MSS51: variants seen among roughly 807,000 people sequenced by gnomAD.
MSS51 encodes putative protein MSS51 homolog, mitochondrial.
In MSS51, 32 loss-of-function variants were observed where a neutral mutation model predicts 40.2. The ratio of observed to expected loss-of-function variants is 0.80; its 90% confidence interval spans 0.60 to 1.07. The LOEUF is 1.07. Among genes scored for constraint, MSS51 ranks in the 50% least tolerant of loss-of-function variants. The pLI is 0.00. For missense variants in MSS51, 518 were observed against 568.9 expected, an observed-to-expected ratio of 0.91 and a Z score of 0.91; for synonymous variants, 178 against 214.2, an observed-to-expected ratio of 0.83 and a Z score of 1.48.
chr10:73,432,125 A>G (rs1036464684), intron 1 of MSS51, among the ~76,000 whole-genome samples: 5 of 151,838 alleles, frequency 3.3e-5, no homozygotes, highest in Non-Finnish European at 7.4e-5. Flanking sequence ...TGCAACCTCC[A>G]CCTCCCGGGT....
At position 73,425,960 on chromosome 10, in the gene MSS51, G is replaced by A; in HGVS notation, c.920C>T (p.Thr307Ile). 1.2e-6 allele frequency: 2 copies of A among 1,614,070 alleles called. No homozygotes were observed. The highest frequency in any genetic ancestry group is 1.7e-6 in the Non-Finnish European group (2 of 1,180,004). Residue 307 changes from threonine (T) to isoleucine (I), a missense_variant, in exon 5 of 7, where the codon ACT becomes ATT. Coordinates refer to ENST00000299432, the MANE Select transcript of MSS51 (RefSeq NM_001024593.2). The stretch of plus-strand genomic sequence containing the variant: ...AGTTGAGGTGCTCTGTGAAAAGCCA[G>A]TAGCTACATCTACACCCACCATGAC... ...RVVMVGVDVA[T>I]GFSQSTSTSP...
chr10:73,427,889 T>A, intron 2 of MSS51, 121 bp from the exon 3 acceptor site: 2 of 1,275,808 alleles, frequency 1.6e-6, no homozygotes. Context: ...ACTGCCATCA[T>A]TTTTCACTTA....
At chr10:73,431,297 CG>C (rs1230387766) in intron 1 of MSS51, among the ~76,000 whole-genome samples, 1 of 151,684 alleles carries the variant, frequency 6.6e-6, no homozygotes, top group Non-Finnish European at 1.5e-5. Flanking sequence ...ATTTTCACTT[CG>C]ATTAAAAAAG....
rs369861643 is a variant in MSS51, at chr10:73,424,745, C to A, written c.1191G>T (p.Gln397His). Residue 397 changes from glutamine to histidine, a missense_variant, in exon 7 of 7, where the codon CAG (glutamine) becomes CAT (histidine). Transcript: ENST00000299432. ...YSHQELVSSL[Q>H]ILVELDTHIT... ...TGTGTGTATCCAGTTCCACCAGAAT[C>A]TGCAAAGAGGATACCAACTCCTGAT... The A allele has an allele frequency of 6.2e-7, 1 of 1,614,044 alleles. No individual in the cohort carries two copies. Among genetic ancestry groups the A allele is most frequent in the African/African-American group, 1.3e-5 (1 of 75,030 alleles).
intron 1 of MSS51, among the ~76,000 whole-genome samples, chr10:73,432,891 T>A (rs2056038842): frequency 6.6e-6 from 1 of 152,124 alleles, no homozygotes; most frequent in Non-Finnish European, 1.5e-5. Flanking sequence ...GGTTATAAAC[T>A]GAGAGAAACA....
intron 5 of MSS51, among the ~76,000 whole-genome samples, chr10:73,425,399 G>T (rs549530400): frequency 6.6e-6 from 1 of 152,280 alleles, no homozygotes; most frequent in African/African-American, 2.4e-5. Flanking sequence ...ATCAGGCTGG[G>T]CGCGGTGGCT....
chr10:73,426,384 G>GA lies in MSS51; in HGVS notation c.503-8dup, dbSNP rs2055988621. On this transcript the variant is annotated splice_polypyrimidine_tract_variant and splice_region_variant and intron_variant, in intron 4 of 6. Coordinates refer to ENST00000299432, the MANE Select transcript of MSS51 (RefSeq NM_001024593.2). ...GAGGGTAGAACAAAATCACCTGTAG[G>GA]AAAGAAGAAATAAGAAGTAACCTAA... The GA allele has an allele frequency of 6.3e-7, 1 of 1,599,562 alleles. No homozygotes were observed. The highest frequency in any genetic ancestry group is 1.1e-5 in the South Asian group (1 of 91,002).
chr10:73,427,272 CTTTTTTTTTTTT>C (rs1163470061), intron 3 of MSS51, among the ~76,000 whole-genome samples: 4 of 86,088 alleles, frequency 4.6e-5, no homozygotes, highest in African/African-American at 4.9e-5. Context: ...AAGGTCATTG[CTTTTTTTTTTTT>C]TTTTTTTTTT....
In MSS51 at chr10:73,426,715, A is replaced by G. The variant is rs757206986; in HGVS notation, c.394T>C (p.Tyr132His). 1 of 1,614,136 alleles carries G rather than the reference A, an allele frequency of 6.2e-7. No homozygotes were observed. Among genetic ancestry groups the G allele is most frequent in the South Asian group, 1.1e-5 (1 of 91,070 alleles). ...RHCKRCRNVY[Y>H]CGPECQKSDW... ...GACTTCTGGCACTCTGGACCACAGT[A>G]ATAGACATTTCTGCACCTGAGAGAA... Residue 132 changes from tyrosine to histidine, a missense_variant, in exon 4 of 7, where the codon TAC becomes CAC. Tyr to His is a moderately conservative substitution (Grantham distance 83, BLOSUM62 2). Coordinates refer to ENST00000299432, the MANE Select transcript of MSS51 (RefSeq NM_001024593.2).
At position 73,426,673 on chromosome 10, in the gene MSS51, T is replaced by G; in HGVS notation, c.436A>C (p.Arg146=). The G allele has an allele frequency of 6.2e-7, 1 of 1,614,186 alleles. No homozygotes were observed. The highest frequency in any genetic ancestry group is 8.5e-7 in the Non-Finnish European group (1 of 1,180,034). Residue 146 remains arginine (R), a synonymous_variant, in exon 4 of 7, where the codon AGG becomes CGG. Coordinates refer to ENST00000299432, the MANE Select transcript of MSS51 (RefSeq NM_001024593.2). ...ECQKSDWPAH[R]RVCQELRLVA... The stretch of plus-strand genomic sequence containing the variant: ...AGACGAAGCTCTTGACAAACCCTCC[T>G]GTGTGCGGGCCAGTCTGACTTCTGG...
chr10:73,427,928 T>G lies in MSS51; in HGVS notation c.221+136A>C. ...GAATGTTTCTTCTTTTATAGTAATA[T>G]AGTAACTGGCAAAAGGATGAGAAAA... On this transcript the variant is annotated intron_variant, in intron 2 of 6. Transcript: ENST00000299432. 4 of 1,191,628 alleles carry G rather than the reference T, an allele frequency of 3.4e-6. No homozygotes were observed. In the South Asian group the frequency reaches 6.1e-5, roughly 18 times the overall value. 73.8% of individuals were successfully genotyped at this position (1,191,628 alleles called of 1,614,324 possible).
rs11591720 is a variant in MSS51 at position 73,424,686 on chromosome 10, A to G, written c.1250T>C (p.Leu417Pro). The G allele has an allele frequency of 0.017, 27,029 of 1,614,084 alleles. 287 individuals carry two copies. Among genetic ancestry groups the G allele is most frequent in the Non-Finnish European group, 0.019 (22,771 of 1,179,952 alleles). The change falls in exon 7 of 7, where the codon CTC becomes CCC. Residue 417 changes from leucine (L) to proline (P), a missense_variant. Leu to Pro is a moderately conservative substitution (Grantham distance 98). Coordinates refer to ENST00000299432, the MANE Select transcript of MSS51 (RefSeq NM_001024593.2). ...TAFGSNPFMS[L>P]KPEQVYSSPN... is the part of the protein sequence containing the mutation. ...ACTGGAATAGACCTGTTCAGGTTTG[A>G]GGGACATGAAAGGATTAGACCCAAA...
At position 73,428,318 on chromosome 10, in the gene MSS51, G is replaced by A. The variant is rs2056005316; in HGVS notation, c.-17-17C>T. 9 of 1,536,936 alleles carry A rather than the reference G, an allele frequency of 5.9e-6. No individual in the cohort carries two copies. Among genetic ancestry groups the A allele is most frequent in the Non-Finnish European group, 7.9e-6 (9 of 1,135,028 alleles). ...CAGTGATACCTGGAGATTATATGCA[G>A]AATAGACATGGAATGGAATTTTACA... On this transcript the variant is annotated splice_polypyrimidine_tract_variant and intron_variant, in intron 1 of 6. Coordinates refer to ENST00000299432, the MANE Select transcript of MSS51 (RefSeq NM_001024593.2).
intron 1 of MSS51, among the ~76,000 whole-genome samples, chr10:73,431,885 C>T (rs935438620): frequency 6.7e-6 from 1 of 149,878 alleles, no homozygotes; most frequent in Non-Finnish European, 1.5e-5. Context: ...ATGGAATTGC[C>T]CTTCACACTT....
Position 73,427,695 on chromosome 10 carries a change from C to T in MSS51, c.295G>A (p.Glu99Lys), listed in dbSNP as rs2132722871. 2 of 1,614,222 alleles carry T rather than the reference C, an allele frequency of 1.2e-6. No homozygotes were observed. The highest frequency in any genetic ancestry group is 4.5e-5 in the East Asian group (2 of 44,884). ...RCPQEMFQRM[E>K]DTFRFCAHCR... ...TGAGCACAGAATCGAAATGTGTCTT[C>T]CATCCTCTGGAACATTTCTTGAGGA... is the stretch of plus-strand genomic sequence containing the variant. The change falls in exon 3 of 7, where the codon GAA becomes AAA. Residue 99 changes from glutamate to lysine, a missense_variant. Physicochemically the swap from Glu to Lys is moderately conservative, Grantham distance 56. Transcript: ENST00000299432.
At chr10:73,424,879 T>G (rs2055970241) in intron 6 of MSS51, 107 bp from the exon 7 acceptor site, 1 of 984,678 alleles carries the variant, frequency 1.0e-6, no homozygotes, top group Non-Finnish European at 1.6e-6. Flanking sequence ...CCAAATTGCC[T>G]AAGGCTGGAC....
chr10:73,426,746 G>A lies in MSS51; in HGVS notation c.378-15C>T. ...CATTTCTGCACCTGAGAGAATGAGA[G>A]AGAAATAGTTCTTATACTATAAATA... On this transcript the variant is annotated splice_polypyrimidine_tract_variant and intron_variant, in intron 3 of 6. Transcript: ENST00000299432. 2.5e-6 allele frequency: 4 copies of A among 1,613,546 alleles called. No homozygotes were observed. The highest frequency in any genetic ancestry group is 3.3e-4 in the Middle Eastern group (2 of 6,058).
At chr10:73,428,948 T>C (rs1021464698) in intron 1 of MSS51, among the ~76,000 whole-genome samples, 2 of 151,870 alleles carry the variant, frequency 1.3e-5, no homozygotes, top group African/African-American at 4.8e-5. Flanking sequence ...CTCACGCCTG[T>C]AATCCCAGCA....
At chr10:73,432,332 C>G (rs377082871) in intron 1 of MSS51, among the ~76,000 whole-genome samples, 9 of 152,092 alleles carry the variant, frequency 5.9e-5, no homozygotes, top group Admixed American at 1.3e-4. Context: ...CCACGGCGCC[C>G]GGCCAAGACA....
Sources: allele counts gnomAD v4.1 joint callset (sites outside exome capture counted in the v4.1 genomes callset), GRCh38; gene constraint gnomAD v4.1.1; transcripts MANE v1.5; gene names NCBI Gene and HGNC (gene_info 2026-07-23, HGNC 2026-07-21).